Variants in ANKS1B observed in about 807,000 individuals in gnomAD.
The protein encoded by ANKS1B is ankyrin repeat and sterile alpha motif domain containing 1B.
Under a neutral mutation model 148.3 loss-of-function variants are expected in ANKS1B, and 36 were observed. That is an observed-to-expected ratio of 0.24 (90% CI 0.19 to 0.32). The LOEUF is 0.32. ANKS1B is among the 10% of genes least tolerant of loss of function. The pLI is 1.00. For synonymous variants in ANKS1B, 542 were observed against 560.8 expected (o/e 0.97, Z 0.47); for missense variants, 1,157 against 1,542.6 (o/e 0.75, Z 4.19).
chr12:99,237,466 T>C (rs2088229480), intron 14 of ANKS1B, among the ~76,000 whole-genome samples: 2 of 152,182 alleles, frequency 1.3e-5, no homozygotes, highest in South Asian at 4.1e-4. Context: ...GATATGGCCT[T>C]CCACTTTGGC....
At position 99,651,395 on chromosome 12, in the gene ANKS1B, G is replaced by A. The variant is rs192300332; in HGVS notation, c.1272+3672C>T. ...ACAATTTTTGTTTTTCATGTGGTACGTAGCCCAGTATCATATGATACTGGA... is the reference window on the plus strand; with the variant it reads ...ACAATTTTTGTTTTTCATGTGGTACATAGCCCAGTATCATATGATACTGGA... On this transcript the variant is annotated intron_variant, in intron 9 of 26. Transcript: ENST00000683438. 4.6e-5 allele frequency among the ~76,000 whole-genome samples: 7 copies of A among 152,046 alleles called. No homozygotes were observed. The East Asian group carries it at 7.7e-4, about 17-fold the overall frequency.
chr12:99,333,860 T>TG (rs1189031719), intron 12 of ANKS1B, among the ~76,000 whole-genome samples: 1 of 149,134 alleles, frequency 6.7e-6, no homozygotes, highest in African/African-American at 2.5e-5. Context: ...CTCAGTTTTT[T>TG]TTTTTTTTTT....
chr12:99,637,760 G>A (rs1451347974), intron 9 of ANKS1B, among the ~76,000 whole-genome samples: 1 of 150,076 alleles, frequency 6.7e-6, no homozygotes, highest in East Asian at 1.9e-4. Flanking sequence ...GTGATCATGT[G>A]AGTTTAACAC....
intron 8 of ANKS1B, among the ~76,000 whole-genome samples, chr12:99,678,144 T>TTAC (rs1599486888): frequency 6.6e-6 from 1 of 152,188 alleles, no homozygotes; most frequent in Non-Finnish European, 1.5e-5. Flanking sequence ...TGTTGAGAAC[T>TTAC]TACTGTTCTA....
intron 9 of ANKS1B, among the ~76,000 whole-genome samples, chr12:99,617,353 G>A (rs1212544456): frequency 7.9e-5 from 12 of 152,018 alleles, no homozygotes; most frequent in Admixed American, 7.9e-4. Context: ...GTTTATTGTA[G>A]CACTATTTAC....
chr12:99,200,832 G>A (rs1243593687), intron 14 of ANKS1B, among the ~76,000 whole-genome samples: 1 of 152,200 alleles, frequency 6.6e-6, no homozygotes, highest in Non-Finnish European at 1.5e-5. Flanking sequence ...TCTTTCCTAT[G>A]CACTCAACAA....
intron 25 of ANKS1B, among the ~76,000 whole-genome samples, chr12:98,762,374 A>G (rs947527766): frequency 1.5e-4 from 23 of 152,296 alleles, no homozygotes; most frequent in African/African-American, 5.3e-4. Flanking sequence ...TTAGAGATGC[A>G]CGCACAGTTG....
intron 8 of ANKS1B, among the ~76,000 whole-genome samples, chr12:99,764,136 T>C (rs551393259): frequency 2.6e-5 from 4 of 152,320 alleles, no homozygotes; most frequent in African/African-American, 9.6e-5. Context: ...ACCTGTTCTA[T>C]CAATTCAATA....
At chr12:99,548,467 A>G (rs776204802) in intron 9 of ANKS1B, among the ~76,000 whole-genome samples, 96 of 152,132 alleles carry the variant, frequency 6.3e-4, no homozygotes, top group Admixed American at 1.9e-3. Context: ...TGTTTTTTTA[A>G]AGACAATAGA....
At chr12:99,314,591 C>G (rs1460005426) in intron 12 of ANKS1B, among the ~76,000 whole-genome samples, 2 of 152,094 alleles carry the variant, frequency 1.3e-5, no homozygotes, top group African/African-American at 2.4e-5. Context: ...TGGAACAGAA[C>G]AGATACCTCA....
At chr12:99,303,600 T>A (rs1417096570) in intron 12 of ANKS1B, among the ~76,000 whole-genome samples, 3 of 152,140 alleles carry the variant, frequency 2.0e-5, no homozygotes, top group African/African-American at 7.2e-5. Context: ...TAAGGCAAAG[T>A]AGAAGAACAC....
chr12:98,868,180 G>C (rs774114753), intron 17 of ANKS1B, among the ~76,000 whole-genome samples: 3 of 152,174 alleles, frequency 2.0e-5, no homozygotes, highest in Non-Finnish European at 2.9e-5. Flanking sequence ...GAAAAGTCTA[G>C]ACTCAAATAG....
chr12:99,604,848 A>G (rs1367999439), intron 9 of ANKS1B, among the ~76,000 whole-genome samples: 1 of 151,594 alleles, frequency 6.6e-6, no homozygotes, highest in Non-Finnish European at 1.5e-5. Flanking sequence ...GAAAAGAAAA[A>G]ATTGTTTAAG....
At chr12:99,625,604 T>G (rs1006630317) in intron 9 of ANKS1B, among the ~76,000 whole-genome samples, 3 of 152,122 alleles carry the variant, frequency 2.0e-5, no homozygotes, top group African/African-American at 7.2e-5. Context: ...GAATAGTAGT[T>G]GTCCATGATA....
At chr12:99,929,332 G>A (rs1014616031) in intron 1 of ANKS1B, among the ~76,000 whole-genome samples, 1 of 152,042 alleles carries the variant, frequency 6.6e-6, no homozygotes, top group East Asian at 1.9e-4. Flanking sequence ...TCGCCCACTT[G>A]TTGATGGGGT....
intron 25 of ANKS1B, among the ~76,000 whole-genome samples, chr12:98,767,473 G>A (rs1389496090): frequency 1.3e-5 from 2 of 150,502 alleles, no homozygotes; most frequent in African/African-American, 2.4e-5. Flanking sequence ...TCCTGAGACC[G>A]TCTCAGCCTC....
chr12:99,913,556 T>G (rs949698125), intron 1 of ANKS1B, among the ~76,000 whole-genome samples: 2 of 152,204 alleles, frequency 1.3e-5, no homozygotes, highest in African/African-American at 4.8e-5. Context: ...TTGCAAATAA[T>G]GGTGTAGTAA....
At chr12:98,952,437 A>G (rs1191387814) in intron 17 of ANKS1B, among the ~76,000 whole-genome samples, 1 of 152,236 alleles carries the variant, frequency 6.6e-6, no homozygotes, top group Admixed American at 6.5e-5. Context: ...TAGTGAAAGC[A>G]TCACAGATAA....
chr12:99,461,674 T>A (rs2095974495), intron 10 of ANKS1B, among the ~76,000 whole-genome samples: 1 of 152,176 alleles, frequency 6.6e-6, no homozygotes, highest in African/African-American at 2.4e-5. Flanking sequence ...TATCTCCCAA[T>A]CTTGCTTTCC....
Sources: allele counts gnomAD v4.1 joint callset (sites outside exome capture counted in the v4.1 genomes callset), GRCh38; gene constraint gnomAD v4.1.1; transcripts MANE v1.5; gene names NCBI Gene and HGNC (gene_info 2026-07-23, HGNC 2026-07-21).